Variants in INPP4B observed in about 807,000 individuals in gnomAD.
INPP4B encodes the protein inositol polyphosphate 4-phosphatase type II.
A neutral mutation model predicts 122.5 loss-of-function variants in INPP4B; 55 were observed. The ratio of observed to expected loss-of-function variants is 0.45; its 90% CI spans 0.36 to 0.56. INPP4B has a LOEUF of 0.56. INPP4B is among the 20% of genes least tolerant of loss of function. The pLI is 0.00. For synonymous variants in INPP4B, 403 were observed against 388.7 expected (o/e 1.04, Z -0.43); for missense variants, 1,000 against 1,097.7 (o/e 0.91, Z 1.26).
intron 1 of INPP4B, among the ~76,000 whole-genome samples, chr4:142,732,600 C>A (rs1042071133): frequency 4.6e-5 from 7 of 151,876 alleles, no homozygotes; most frequent in African/African-American, 1.7e-4. Context: ...TTAAATATCT[C>A]AAATACTCAG....
chr4:142,793,463 C>G (rs2151070868), intron 1 of INPP4B, among the ~76,000 whole-genome samples: 1 of 152,128 alleles, frequency 6.6e-6, no homozygotes, highest in Non-Finnish European at 1.5e-5. Flanking sequence ...GAATTCACGG[C>G]AAAACAAAGC....
At chr4:142,219,861 C>G (rs995862006) in intron 12 of INPP4B, among the ~76,000 whole-genome samples, 1 of 152,108 alleles carries the variant, frequency 6.6e-6, no homozygotes, top group Non-Finnish European at 1.5e-5. Context: ...GGTGTTATCC[C>G]TTTTGATAAT....
At chr4:142,074,068 C>T (rs7662440) in intron 25 of INPP4B, among the ~76,000 whole-genome samples, 2,384 of 152,042 alleles carry the variant, frequency 0.016, 82 homozygotes, top group African/African-American at 0.055. Context: ...CTGTCCAAAC[C>T]CAAGGGATGC....
At chr4:142,557,870 C>T (rs1053738053) in intron 2 of INPP4B, among the ~76,000 whole-genome samples, 2 of 152,184 alleles carry the variant, frequency 1.3e-5, no homozygotes, top group South Asian at 2.1e-4. Flanking sequence ...TCTATGGGCT[C>T]ATTCACCTAT....
intron 16 of INPP4B, among the ~76,000 whole-genome samples, chr4:142,164,715 T>C (rs1021483123): frequency 1.1e-4 from 16 of 151,708 alleles, no homozygotes; most frequent in African/African-American, 3.4e-4. Flanking sequence ...CACTCTTTCA[T>C]GGTCTTTTTA....
intron 3 of INPP4B, among the ~76,000 whole-genome samples, chr4:142,456,612 G>T (rs1815477315): frequency 6.6e-6 from 1 of 151,886 alleles, no homozygotes; most frequent in Non-Finnish European, 1.5e-5. Flanking sequence ...AAAATATAAA[G>T]AACATAAAAT....
intron 11 of INPP4B, among the ~76,000 whole-genome samples, chr4:142,255,055 T>A (rs1199905529): frequency 6.6e-6 from 1 of 151,996 alleles, no homozygotes; most frequent in Non-Finnish European, 1.5e-5. Context: ...ATATTCAACA[T>A]TCTTAAAGAA....
In INPP4B at chr4:142,610,594, T is replaced by C. The variant is rs1011547653; in HGVS notation, c.-191+115245A>G. On this transcript the variant is annotated intron_variant, in intron 2 of 25. Transcript: ENST00000262992. ...AAATTAAAAAAATTTAGACAGAGTG[T>C]TCCCTATATCTATGTTTATAGCTAT... is the stretch of plus-strand genomic sequence containing the variant. 3.3e-5 allele frequency among the ~76,000 whole-genome samples: 5 copies of C among 152,300 alleles called. No individual in the cohort carries two copies. In the South Asian group the frequency reaches 1.0e-3, roughly 32 times the overall value.
At chr4:142,163,032 T>C (rs1820893041) in intron 16 of INPP4B, among the ~76,000 whole-genome samples, 1 of 151,818 alleles carries the variant, frequency 6.6e-6, no homozygotes, top group Admixed American at 6.6e-5. Context: ...TAGACCAGTG[T>C]AGACCATTGA....
chr4:142,342,766 T>C (rs369477696), intron 7 of INPP4B, among the ~76,000 whole-genome samples: 9 of 152,204 alleles, frequency 5.9e-5, no homozygotes, highest in African/African-American at 1.7e-4. Context: ...TGTTCCTTAA[T>C]AGCAGTCTGA....
intron 3 of INPP4B, 21 bp downstream of exon 3, chr4:142,462,642 T>A (rs1197595457): frequency 6.6e-6 from 1 of 152,172 alleles, no homozygotes. Context: ...TGATGTTACG[T>A]GTTGAGAATA....
intron 16 of INPP4B, among the ~76,000 whole-genome samples, chr4:142,162,610 T>C (rs1387590499): frequency 6.6e-6 from 1 of 151,950 alleles, no homozygotes; most frequent in Admixed American, 6.6e-5. Flanking sequence ...AATTGCCATG[T>C]AGCTAAATAT....
At chr4:142,331,916 G>A (rs28527427) in intron 7 of INPP4B, among the ~76,000 whole-genome samples, 22 of 150,412 alleles carry the variant, frequency 1.5e-4, no homozygotes, top group Non-Finnish European at 3.1e-4. Flanking sequence ...CTGGGGGGGT[G>A]GGGGGTGGAG....
chr4:142,741,528 C>G (rs1018477362), intron 1 of INPP4B, among the ~76,000 whole-genome samples: 1 of 151,560 alleles, frequency 6.6e-6, no homozygotes. Context: ...CACATCCAAA[C>G]CATTTACAGA....
intron 7 of INPP4B, among the ~76,000 whole-genome samples, chr4:142,377,090 G>A (rs767090013): frequency 3.4e-5 from 5 of 149,208 alleles, no homozygotes; most frequent in African/African-American, 1.2e-4. Flanking sequence ...GCCTTAATTC[G>A]ATTTCATCTT....
intron 2 of INPP4B, among the ~76,000 whole-genome samples, chr4:142,539,950 T>C (rs1580322446): frequency 6.6e-6 from 1 of 152,062 alleles, no homozygotes; most frequent in African/African-American, 2.4e-5. Context: ...AAAATGTTCA[T>C]GCTAGTTACT....
At chr4:142,692,895 C>G (rs1760393332) in intron 2 of INPP4B, among the ~76,000 whole-genome samples, 1 of 121,026 alleles carries the variant, frequency 8.3e-6, no homozygotes, top group African/African-American at 3.2e-5. Flanking sequence ...TAATTAAAAC[C>G]TATATTTAGG....
At chr4:142,230,806 A>G (rs945467284) in intron 12 of INPP4B, among the ~76,000 whole-genome samples, 12 of 152,178 alleles carry the variant, frequency 7.9e-5, no homozygotes, top group Admixed American at 1.3e-4. Flanking sequence ...TACATTTTAT[A>G]TATCTGTAAC....
chr4:142,449,392 T>C lies in INPP4B; in HGVS notation c.-127+13271A>G, dbSNP rs866253496. On this transcript the variant is annotated intron_variant, in intron 3 of 25. Transcript: ENST00000262992. Reference sequence around the variant, plus strand: ...AAATGCAGAACCTTGAGCCACACTCTAGACTTACCACATTAGAATGTACAT... The same window carrying C: ...AAATGCAGAACCTTGAGCCACACTCCAGACTTACCACATTAGAATGTACAT... Among the ~76,000 whole-genome samples the C allele has an allele frequency of 3.6e-4, 55 of 152,252 alleles. No individual in the cohort carries two copies. In the Middle Eastern group the frequency reaches 0.017, roughly 47 times the overall value.
Sources: gnomAD v4.1 joint callset for allele counts (sites outside exome capture counted in the v4.1 genomes callset) on GRCh38, gnomAD v4.1.1 for gene constraint, MANE v1.5 for transcripts, NCBI Gene and HGNC (gene_info 2026-07-23, HGNC 2026-07-21) for gene names.